Variants in PPARGC1A observed in about 807,000 individuals in gnomAD.
The protein encoded by PPARGC1A is peroxisome proliferator-activated receptor gamma coactivator 1-alpha.
In PPARGC1A, 25 loss-of-function variants were observed where a neutral mutation model predicts 88.7. That is an observed-to-expected ratio of 0.28 (90% CI 0.21 to 0.39). The LOEUF (loss-of-function observed/expected upper bound fraction) is 0.39, where lower values mean the gene tolerates loss of function less well. Ranked by LOEUF, PPARGC1A falls within the 10% of genes least tolerant of loss-of-function variation. The pLI, the probability that PPARGC1A is intolerant of heterozygous loss-of-function variation, is 1.00. For synonymous variants in PPARGC1A, 363 were observed against 355.6 expected (o/e 1.02, Z -0.24); for missense variants, 880 against 968.7 (o/e 0.91, Z 1.22).
chr4:23,962,508 A>G, the PPARGC1A span, among the ~76,000 whole-genome samples: 2 of 152,182 alleles, frequency 1.3e-5, no homozygotes, highest in Non-Finnish European at 2.9e-5. Context: ...TGCCCAAGAC[A>G]ATGAGACAGT....
At chr4:24,086,594 A>G in the PPARGC1A span, among the ~76,000 whole-genome samples, 8 of 152,208 alleles carry the variant, frequency 5.3e-5, no homozygotes, top group Admixed American at 2.6e-4. Context: ...TTGTCCTATC[A>G]TTATAATGAC....
At chr4:23,927,142 G>C in the PPARGC1A span, among the ~76,000 whole-genome samples, 1 of 151,948 alleles carries the variant, frequency 6.6e-6, no homozygotes, top group South Asian at 2.1e-4. Flanking sequence ...CCTACAGTTG[G>C]GCAAAATTAT....
At chr4:24,196,443 G>A in the PPARGC1A span, among the ~76,000 whole-genome samples, 4 of 152,196 alleles carry the variant, frequency 2.6e-5, no homozygotes, top group Non-Finnish European at 5.9e-5. Context: ...ATTTTGGAAA[G>A]GTAATTATAC....
At chr4:24,441,820 C>T in the PPARGC1A span, among the ~76,000 whole-genome samples, 1 of 152,178 alleles carries the variant, frequency 6.6e-6, no homozygotes, top group Non-Finnish European at 1.5e-5. Context: ...TCTGAGCTCT[C>T]AACAACATGC....
intron 2 of PPARGC1A, among the ~76,000 whole-genome samples, chr4:23,879,621 C>A (rs1715517569): frequency 2.0e-5 from 3 of 152,148 alleles, no homozygotes; most frequent in Admixed American, 2.0e-4. Flanking sequence ...CCCTGAATGC[C>A]ACCCCCTCTG....
At chr4:24,054,319 A>AC in the PPARGC1A span, among the ~76,000 whole-genome samples, 547 of 152,046 alleles carry the variant, frequency 3.6e-3, 3 homozygotes, top group South Asian at 7.3e-3. Context: ...AAAAAAAAAA[A>AC]AAAAAAACAC....
the PPARGC1A span, among the ~76,000 whole-genome samples, chr4:24,336,594 C>A: frequency 6.6e-6 from 1 of 152,166 alleles, no homozygotes; most frequent in African/African-American, 2.4e-5. Context: ...ATCACACATT[C>A]ATGTATCACT....
chr4:23,958,039 T>C, the PPARGC1A span, among the ~76,000 whole-genome samples: 1 of 152,004 alleles, frequency 6.6e-6, no homozygotes, highest in African/African-American at 2.4e-5. Context: ...ATACTACAAA[T>C]AGGAAAACTG....
intron 2 of PPARGC1A, among the ~76,000 whole-genome samples, chr4:23,878,664 C>T (rs184501532): frequency 5.7e-4 from 87 of 151,484 alleles, no homozygotes; most frequent in African/African-American, 1.9e-3. Context: ...TGTAGATGAA[C>T]ACACACACAC....
chr4:23,916,347 T>C, the PPARGC1A span, among the ~76,000 whole-genome samples: 2 of 152,188 alleles, frequency 1.3e-5, no homozygotes, highest in African/African-American at 2.4e-5. Context: ...ATATTCATCA[T>C]AAGGCTTTCA....
chr4:24,370,783 C>CTTTTTTTTTTTT, the PPARGC1A span, among the ~76,000 whole-genome samples: 28 of 64,466 alleles, frequency 4.3e-4, no homozygotes, highest in African/African-American at 4.5e-4. Context: ...TTTTTTTTTA[C>CTTTTTTTTTTTT]TTTAAGTTCT....
chr4:23,914,325 T>C, the PPARGC1A span, among the ~76,000 whole-genome samples: 1 of 152,232 alleles, frequency 6.6e-6, no homozygotes, highest in Non-Finnish European at 1.5e-5. Flanking sequence ...CATAGAGACA[T>C]ACATTCACAT....
At chr4:23,834,445 C>T (rs1345208521) in intron 2 of PPARGC1A, among the ~76,000 whole-genome samples, 8 of 151,122 alleles carry the variant, frequency 5.3e-5, no homozygotes, top group Admixed American at 2.0e-4. Context: ...GCCAAGATCA[C>T]GCCACTGCAC....
chr4:24,460,570 T>A, the PPARGC1A span, among the ~76,000 whole-genome samples: 5 of 130,394 alleles, frequency 3.8e-5, no homozygotes, highest in Non-Finnish European at 6.3e-5. Context: ...AAACTGTTAC[T>A]ATCAGGGTCA....
chr4:23,802,336 G>T lies in PPARGC1A; in HGVS notation c.2029C>A (p.Arg677Ser). 2 of 1,613,934 alleles carry T rather than the reference G, an allele frequency of 1.2e-6. No individual in the cohort carries two copies. The highest frequency in any genetic ancestry group is 1.1e-5 in the South Asian group (1 of 91,070). ...CTGATTTTACCGACATAAATCACACGGCGCTCTTCCTATGGGGGGAAGGAA... is the reference window on the plus strand; with the variant it reads ...CTGATTTTACCGACATAAATCACACTGCGCTCTTCCTATGGGGGGAAGGAA... ...RQRQKAIEER[R>S]VIYVGKIRPD... Residue 677 changes from arginine (R) to serine (S), a missense_variant, in exon 11 of 13, where the codon CGT becomes AGT. Physicochemically the swap from Arg to Ser is moderately radical, Grantham distance 110 (BLOSUM62 -1). Coordinates refer to ENST00000264867, the MANE Select transcript of PPARGC1A (RefSeq NM_013261.5).
the PPARGC1A span, among the ~76,000 whole-genome samples, chr4:24,017,375 T>C: frequency 1.8e-4 from 27 of 152,114 alleles, no homozygotes; most frequent in Non-Finnish European, 3.4e-4. Flanking sequence ...AAAAGGGCTC[T>C]GAAGAAATGA....
chr4:24,197,027 A>G, the PPARGC1A span, among the ~76,000 whole-genome samples: 1 of 152,222 alleles, frequency 6.6e-6, no homozygotes, highest in Admixed American at 6.5e-5. Context: ...TAAAAAACTT[A>G]CACGGTGAAA....
At chr4:23,897,033 G>A (rs1718682698) in intron 1 of PPARGC1A, among the ~76,000 whole-genome samples, 1 of 152,188 alleles carries the variant, frequency 6.6e-6, no homozygotes, top group Non-Finnish European at 1.5e-5. Flanking sequence ...TGGGCAGAAA[G>A]CTCATGTTTG....
At chr4:23,853,730 T>G (rs1729713065) in intron 2 of PPARGC1A, among the ~76,000 whole-genome samples, 1 of 152,202 alleles carries the variant, frequency 6.6e-6, no homozygotes, top group Non-Finnish European at 1.5e-5. Flanking sequence ...ATGAGACATT[T>G]AGAAAACTAT....
Sources: gnomAD v4.1 joint callset for allele counts (sites outside exome capture counted in the v4.1 genomes callset) on GRCh38, gnomAD v4.1.1 for gene constraint, MANE v1.5 for transcripts, NCBI Gene and HGNC (gene_info 2026-07-23, HGNC 2026-07-21) for gene names.